CEP85L: variants seen among roughly 807,000 people sequenced by gnomAD.
The protein encoded by CEP85L is centrosomal protein 85L.
A neutral mutation model predicts 100.3 loss-of-function variants in CEP85L; 60 were observed. The ratio of observed to expected loss-of-function variants is 0.60; its 90% CI spans 0.49 to 0.74. The LOEUF is 0.74. CEP85L is among the 30% of genes least tolerant of loss of function. The pLI, the probability that CEP85L is intolerant of heterozygous loss-of-function variation, is 0.00. For missense variants in CEP85L, 973 were observed against 936.2 expected, an observed-to-expected ratio of 1.04 and a Z score of -0.51; for synonymous variants, 319 against 322.7, an observed-to-expected ratio of 0.99 and a Z score of 0.12.
At chr6:118,614,604 G>A (rs758546812) in intron 2 of CEP85L, among the ~76,000 whole-genome samples, 6 of 152,218 alleles carry the variant, frequency 3.9e-5, no homozygotes, top group Non-Finnish European at 7.3e-5. Context: ...AGCACTTTGG[G>A]AGGCTGAGGC....
intron 2 of CEP85L, among the ~76,000 whole-genome samples, chr6:118,581,692 A>T (rs2115078073): frequency 6.6e-6 from 1 of 152,164 alleles, no homozygotes; most frequent in Non-Finnish European, 1.5e-5. Flanking sequence ...AAGGAAGGAG[A>T]CTAAAAGGAC....
chr6:118,679,470 A>C (rs1178715937), intron 1 of CEP85L, among the ~76,000 whole-genome samples: 1 of 152,246 alleles, frequency 6.6e-6, no homozygotes, highest in Non-Finnish European at 1.5e-5. Flanking sequence ...TGGATTTGCT[A>C]TAATTCCTTA....
chr6:118,676,539 G>A (rs749777717), intron 1 of CEP85L, among the ~76,000 whole-genome samples: 1 of 152,142 alleles, frequency 6.6e-6, no homozygotes. Flanking sequence ...TCTTAAGGCT[G>A]TATGGTATTC....
rs1735117506 is a variant in CEP85L, at chr6:118,479,103, T to C, written c.1914+768A>G. 2.0e-5 allele frequency among the ~76,000 whole-genome samples: 3 copies of C among 152,172 alleles called. No homozygotes were observed. The South Asian group carries it at 6.2e-4, about 32-fold the overall frequency. On this transcript the variant is annotated intron_variant, in intron 10 of 12. Transcript: ENST00000368491. ...TAACAATCTAGAGGTTCTAATGGCT[T>C]ATGGAACAGCTGAAGTTATGTTTGT... is the stretch of plus-strand genomic sequence containing the variant.
intron 2 of CEP85L, among the ~76,000 whole-genome samples, chr6:118,584,411 T>C (rs1780743339): frequency 6.6e-6 from 1 of 152,188 alleles, no homozygotes. Flanking sequence ...AGACTATGGA[T>C]ACCTGGGTAT....
chr6:118,601,571 T>C (rs540284291), intron 2 of CEP85L, among the ~76,000 whole-genome samples: 1 of 152,336 alleles, frequency 6.6e-6, no homozygotes, highest in East Asian at 1.9e-4. Context: ...ATTTGAGCTT[T>C]TTCTTCCCAA....
chr6:118,606,025 A>AAC (rs1396957457), intron 2 of CEP85L, among the ~76,000 whole-genome samples: 1 of 151,672 alleles, frequency 6.6e-6, no homozygotes, highest in Non-Finnish European at 1.5e-5. Flanking sequence ...AAAAAAAAAA[A>AAC]AAAAAAGTGG....
At position 118,597,598 on chromosome 6, in the gene CEP85L, A is replaced by G. The variant is rs1281534997; in HGVS notation, c.233-31282T>C. Among the ~76,000 whole-genome samples the G allele has an allele frequency of 9.2e-5, 14 of 152,366 alleles. No homozygotes were observed. In the East Asian group the frequency reaches 2.5e-3, roughly 27 times the overall value. ...GAATTACTCAGTGAGAAAAACAAGG[A>G]TATTTGCTACTGCTAACTAAATTAG... On this transcript the variant is annotated intron_variant, in intron 2 of 12. Transcript: ENST00000368491.
intron 4 of CEP85L, among the ~76,000 whole-genome samples, chr6:118,519,164 G>A (rs943044199): frequency 3.3e-5 from 5 of 152,020 alleles, no homozygotes; most frequent in Admixed American, 2.0e-4. Context: ...GAAGTTAGGG[G>A]GAAAAAAAGG....
At chr6:118,570,238 T>C (rs750244545) in intron 2 of CEP85L, among the ~76,000 whole-genome samples, 2 of 152,202 alleles carry the variant, frequency 1.3e-5, no homozygotes, top group Non-Finnish European at 2.9e-5. Context: ...TTTAATTGCT[T>C]CCAAGGAATA....
At chr6:118,480,007 T>C (rs1490659058) in intron 9 of CEP85L, 86 bp from the exon 10 acceptor site, 1 of 716,814 alleles carries the variant, frequency 1.4e-6, no homozygotes, top group Non-Finnish European at 2.3e-6. Flanking sequence ...AGCACAGAAA[T>C]TTATAAATTT....
chr6:118,495,377 G>A (rs1043600870), intron 5 of CEP85L, among the ~76,000 whole-genome samples: 2 of 152,100 alleles, frequency 1.3e-5, no homozygotes, highest in African/African-American at 2.4e-5. Context: ...CTCAGTGGGA[G>A]GTAATTGAAT....
chr6:118,667,282 A>G (rs1776163073), intron 1 of CEP85L, among the ~76,000 whole-genome samples: 1 of 152,232 alleles, frequency 6.6e-6, no homozygotes. Flanking sequence ...TGAGGGAACT[A>G]TTCCTTAAGA....
At position 118,533,764 on chromosome 6, in the gene CEP85L, C is replaced by A. The variant is rs527829826; in HGVS notation, c.1021-9844G>T. Among the ~76,000 whole-genome samples, 4 of 152,260 alleles carry A rather than the reference C, an allele frequency of 2.6e-5. No homozygotes were observed. The East Asian group carries it at 5.8e-4, about 22-fold the overall frequency. ...ATACATAGATAATACGTTTGGCATA[C>A]GGTTTTCCCAGGAATGCAAGTTAAG... is the stretch of plus-strand genomic sequence containing the variant. On this transcript the variant is annotated intron_variant, in intron 3 of 12. Transcript: ENST00000368491.
At chr6:118,547,970 A>G (rs548444622) in intron 3 of CEP85L, among the ~76,000 whole-genome samples, 1 of 152,246 alleles carries the variant, frequency 6.6e-6, no homozygotes, top group Middle Eastern at 3.4e-3. Flanking sequence ...AAATTCCTGC[A>G]GTAACTATTT....
At chr6:118,499,619 G>A (rs933782480) in intron 5 of CEP85L, among the ~76,000 whole-genome samples, 1 of 151,786 alleles carries the variant, frequency 6.6e-6, no homozygotes, top group Non-Finnish European at 1.5e-5. Context: ...AGCCCAGATC[G>A]CATCACTGCA....
intron 1 of CEP85L, among the ~76,000 whole-genome samples, chr6:118,650,683 G>A (rs1020789180): frequency 6.6e-6 from 1 of 152,134 alleles, no homozygotes; most frequent in African/African-American, 2.4e-5. Flanking sequence ...CCGAAAACGC[G>A]CCCTAAAAGT....
chr6:118,652,410 C>G, upstream of CEP85L: 1 of 1,106,756 alleles, frequency 9.0e-7, no homozygotes. Flanking sequence ...TTACTTCTCA[C>G]TGGCAATATG....
intron 1 of CEP85L, among the ~76,000 whole-genome samples, chr6:118,669,659 A>G (rs1043275731): frequency 1.3e-5 from 2 of 152,088 alleles, no homozygotes; most frequent in South Asian, 4.1e-4. Flanking sequence ...CCTAGAATTT[A>G]TGGTCTCCTC....
Sources: gnomAD v4.1 joint callset for allele counts (sites outside exome capture counted in the v4.1 genomes callset) on GRCh38, gnomAD v4.1.1 for gene constraint, MANE v1.5 for transcripts, NCBI Gene and HGNC (gene_info 2026-07-23, HGNC 2026-07-21) for gene names.